Variants in RORA observed in about 807,000 individuals in gnomAD.
The protein encoded by RORA is RAR related orphan receptor A.
Under a neutral mutation model 69.5 loss-of-function variants are expected in RORA, and 7 were observed. The ratio of observed to expected loss-of-function variants is 0.10; its 90% confidence interval spans 0.06 to 0.19. RORA has a LOEUF of 0.19. RORA is among the 10% of genes least tolerant of loss of function. The pLI is 1.00. For synonymous variants in RORA, 261 were observed against 240.8 expected (o/e 1.08, Z -0.78); for missense variants, 457 against 663.0 (o/e 0.69, Z 3.41).
At chr15:61,119,510 T>C (rs1381173376) in intron 1 of RORA, among the ~76,000 whole-genome samples, 1 of 151,816 alleles carries the variant, frequency 6.6e-6, no homozygotes, top group African/African-American at 2.4e-5. Context: ...GGTTTTGTCA[T>C]GTTGCCTAGG....
At chr15:60,501,752 C>T (rs1275009294) in intron 8 of RORA, among the ~76,000 whole-genome samples, 2 of 151,924 alleles carry the variant, frequency 1.3e-5, no homozygotes, top group African/African-American at 4.8e-5. Flanking sequence ...TGTGAAAGTC[C>T]CCTAGAATAA....
intron 2 of RORA, chr15:60,592,685 GC>G: frequency 9.5e-7 from 1 of 1,055,518 alleles, no homozygotes; most frequent in South Asian, 4.5e-5. Flanking sequence ...GCCGCGCCCC[GC>G]CCCGCCCCCG....
At position 60,537,166 on chromosome 15, in the gene RORA, A is replaced by G. The variant is rs1431036666; in HGVS notation, c.197-5315T>C. Among the ~76,000 whole-genome samples the G allele has an allele frequency of 6.6e-6, 1 of 152,058 alleles. No individual in the cohort carries two copies. Among genetic ancestry groups the G allele is most frequent in the African/African-American group, 2.4e-5 (1 of 41,412 alleles). ...TGCGTGTCAAGGTTAGCCGGGGGAG[A>G]GCTGCAGAGTCTTCACCTTATTCCC... On this transcript the variant is annotated intron_variant, in intron 2 of 10. Coordinates refer to ENST00000335670, the MANE Select transcript of RORA (RefSeq NM_134261.3). This position sits in a 1 kb window ranked among gnomAD's most constrained non-coding sequence, Gnocchi z 4.9.
chr15:60,671,195 C>T (rs2070463901), intron 2 of RORA, among the ~76,000 whole-genome samples: 1 of 150,646 alleles, frequency 6.6e-6, no homozygotes, highest in Non-Finnish European at 1.5e-5. Context: ...TGCTTTGTGG[C>T]AATGAAAGTT....
At chr15:60,845,806 G>A (rs2073258190) in intron 1 of RORA, among the ~76,000 whole-genome samples, 1 of 152,166 alleles carries the variant, frequency 6.6e-6, no homozygotes, top group Non-Finnish European at 1.5e-5. Context: ...CAGTGCAGTG[G>A]TGCGATCTCC....
intron 1 of RORA, among the ~76,000 whole-genome samples, chr15:61,220,319 A>G (rs2080083587): frequency 6.6e-6 from 1 of 152,222 alleles, no homozygotes; most frequent in African/African-American, 2.4e-5. Context: ...TCACACAAAC[A>G]TTCCTGAGAG....
chr15:61,172,443 A>G (rs1286430953), intron 1 of RORA, among the ~76,000 whole-genome samples: 1 of 152,182 alleles, frequency 6.6e-6, no homozygotes, highest in African/African-American at 2.4e-5. Flanking sequence ...GGCCAAGAAC[A>G]AGTCTGAGGA....
At chr15:60,688,756 T>C (rs895388355) in intron 1 of RORA, among the ~76,000 whole-genome samples, 1 of 152,202 alleles carries the variant, frequency 6.6e-6, no homozygotes, top group Non-Finnish European at 1.5e-5. Flanking sequence ...TTTTACACAG[T>C]GCTCGAGAAT....
At chr15:60,684,483 G>A (rs1340396628) in intron 1 of RORA, among the ~76,000 whole-genome samples, 1 of 152,078 alleles carries the variant, frequency 6.6e-6, no homozygotes, top group South Asian at 2.1e-4. Context: ...CAAGTGTGGT[G>A]GTGGGTGCCT....
chr15:60,918,905 A>T (rs1231630490), intron 1 of RORA, among the ~76,000 whole-genome samples: 1 of 152,154 alleles, frequency 6.6e-6, no homozygotes, highest in Non-Finnish European at 1.5e-5. Context: ...GAAGCTCAGA[A>T]AGCCCGTGCT....
At chr15:61,167,217 T>C (rs1426877892) in intron 1 of RORA, among the ~76,000 whole-genome samples, 1 of 152,238 alleles carries the variant, frequency 6.6e-6, no homozygotes, top group East Asian at 1.9e-4. Flanking sequence ...GTCAACCTGC[T>C]AGGAATTACT....
At chr15:61,126,161 T>A (rs2079140823) in intron 1 of RORA, among the ~76,000 whole-genome samples, 1 of 151,928 alleles carries the variant, frequency 6.6e-6, no homozygotes, top group Non-Finnish European at 1.5e-5. Context: ...AGACATAGAG[T>A]CTCCACACCC....
At chr15:60,897,578 C>T (rs887389282) in intron 1 of RORA, among the ~76,000 whole-genome samples, 2 of 152,286 alleles carry the variant, frequency 1.3e-5, no homozygotes, top group African/African-American at 2.4e-5. Context: ...AGGGATGAAC[C>T]CATGTTTCTG....
chr15:60,962,898 A>T (rs16943396), intron 1 of RORA, among the ~76,000 whole-genome samples: 94,551 of 152,110 alleles, frequency 0.62, 30,869 homozygotes, highest in South Asian at 0.86. Context: ...AAGTGGTTGC[A>T]GGAGATTGGG....
At chr15:60,741,364 T>C (rs2071573508) in intron 1 of RORA, among the ~76,000 whole-genome samples, 1 of 152,212 alleles carries the variant, frequency 6.6e-6, no homozygotes, top group Non-Finnish European at 1.5e-5. Context: ...GTTTACTCTG[T>C]TCATATGATC....
chr15:60,939,989 A>C (rs17742783), intron 1 of RORA, among the ~76,000 whole-genome samples: 36,215 of 152,186 alleles, frequency 0.24, 5,544 homozygotes, highest in Non-Finnish European at 0.34. Flanking sequence ...TACATTACAG[A>C]ACACTAAATA....
intron 1 of RORA, among the ~76,000 whole-genome samples, chr15:61,151,531 T>A (rs972221139): frequency 6.6e-6 from 1 of 152,224 alleles, no homozygotes; most frequent in Non-Finnish European, 1.5e-5. Flanking sequence ...AACTCATCCA[T>A]CTGTTCAAAA....
chr15:60,918,924 G>C (rs1350238728), intron 1 of RORA, among the ~76,000 whole-genome samples: 1 of 152,160 alleles, frequency 6.6e-6, no homozygotes, highest in Non-Finnish European at 1.5e-5. Context: ...CTTGAGCTAA[G>C]GGGTACGAAA....
At chr15:60,601,634 T>A (rs8027759) in intron 2 of RORA, among the ~76,000 whole-genome samples, 15,312 of 152,286 alleles carry the variant, frequency 0.1, 817 homozygotes, top group Non-Finnish European at 0.12. Context: ...TTACTGTTTT[T>A]ACTTTTCCAA....
Sources: gnomAD v4.1 joint callset for allele counts (sites outside exome capture counted in the v4.1 genomes callset) on GRCh38, gnomAD v4.1.1 for gene constraint, Gnocchi (gnomAD v3.1) non-coding constraint, MANE v1.5 for transcripts, NCBI Gene and HGNC (gene_info 2026-07-23, HGNC 2026-07-21) for gene names.